CDKAL1: variants seen among roughly 807,000 people sequenced by gnomAD.
The protein encoded by CDKAL1 is CDKAL1 threonylcarbamoyladenosine tRNA methylthiotransferase.
A neutral mutation model predicts 68.2 loss-of-function variants in CDKAL1; 32 were observed. That is an observed-to-expected ratio of 0.47 (90% CI 0.35 to 0.63). The LOEUF (loss-of-function observed/expected upper bound fraction) is 0.63, where lower values mean the gene tolerates loss of function less well. Ranked by LOEUF, CDKAL1 falls within the 30% of genes least tolerant of loss-of-function variation. The probability of loss-of-function intolerance (pLI) is 0.00; values close to 1 mark genes in which losing one functional copy is unlikely to be tolerated. For synonymous variants in CDKAL1, 234 were observed against 244.3 expected (o/e 0.96, Z 0.39); for missense variants, 606 against 696.7 (o/e 0.87, Z 1.47).
At chr6:20,982,060 T>TTTAC (rs1766183265) in intron 10 of CDKAL1, among the ~76,000 whole-genome samples, 1 of 145,474 alleles carries the variant, frequency 6.9e-6, no homozygotes, top group Non-Finnish European at 1.5e-5. Flanking sequence ...TATTTATTTA[T>TTTAC]TTATTTATTT....
At chr6:20,591,072 C>T (rs1308769081) in intron 4 of CDKAL1, among the ~76,000 whole-genome samples, 1 of 152,170 alleles carries the variant, frequency 6.6e-6, no homozygotes, top group African/African-American at 2.4e-5. Context: ...GATGGTATCT[C>T]ATTGTGGTTT....
At chr6:20,720,007 C>G (rs1163211123) in intron 5 of CDKAL1, among the ~76,000 whole-genome samples, 1 of 152,200 alleles carries the variant, frequency 6.6e-6, no homozygotes, top group Non-Finnish European at 1.5e-5. Flanking sequence ...TGTTGAAGAA[C>G]CTGGGCCTTT....
At chr6:20,809,659 T>C (rs6902880) in intron 8 of CDKAL1, among the ~76,000 whole-genome samples, 102,449 of 152,042 alleles carry the variant, frequency 0.67, 35,103 homozygotes, top group African/African-American at 0.78. Flanking sequence ...ATTTGTTCCA[T>C]TGAATTGAAT....
chr6:20,585,057 CTTTT>C (rs11385529), intron 4 of CDKAL1, among the ~76,000 whole-genome samples: 1 of 131,648 alleles, frequency 7.6e-6, no homozygotes, highest in Admixed American at 7.8e-5. Flanking sequence ...AATCTTGTTT[CTTTT>C]TTTTTTTTTT....
chr6:21,146,453 G>T (rs1362972361), intron 13 of CDKAL1, among the ~76,000 whole-genome samples: 1 of 152,102 alleles, frequency 6.6e-6, no homozygotes, highest in African/African-American at 2.4e-5. Context: ...GAATAAAGGT[G>T]GAAAGAGCCA....
intron 7 of CDKAL1, among the ~76,000 whole-genome samples, chr6:20,768,807 G>A (rs1774811354): frequency 6.6e-6 from 1 of 152,078 alleles, no homozygotes; most frequent in Non-Finnish European, 1.5e-5. Flanking sequence ...GATTTGAGGG[G>A]ATTTAATGTA....
intron 9 of CDKAL1, among the ~76,000 whole-genome samples, chr6:20,852,542 T>C (rs562703172): frequency 6.6e-6 from 1 of 152,346 alleles, no homozygotes; most frequent in East Asian, 1.9e-4. Context: ...TAAATAAATG[T>C]AATGTACATA....
chr6:20,600,006 C>T (rs1320608626), intron 4 of CDKAL1, among the ~76,000 whole-genome samples: 1 of 152,128 alleles, frequency 6.6e-6, no homozygotes, highest in Non-Finnish European at 1.5e-5. Flanking sequence ...GGCAGCTGTG[C>T]TGTATCAAAT....
chr6:20,577,775 C>G lies in CDKAL1; in HGVS notation c.286+29070C>G, dbSNP rs113072400. 6.0e-3 allele frequency among the ~76,000 whole-genome samples: 911 copies of G among 152,348 alleles called. 8 individuals carry two copies. The highest frequency in any genetic ancestry group is 0.02 in the African/African-American group (846 of 41,580). On this transcript the variant is annotated intron_variant, in intron 4 of 15. Coordinates refer to ENST00000274695, the MANE Select transcript of CDKAL1 (RefSeq NM_017774.3). ...GTAGAACAGATGCATTTACAAGTCT[C>G]TGCTCACACAGCTGCTGGTCTATTT... is the stretch of plus-strand genomic sequence containing the variant.
chr6:21,230,830 C>G lies in CDKAL1; in HGVS notation c.1549-18C>G, dbSNP rs374455074. ...CTGCATCTAAAAATAATTTTTTCCTCTGTTTCTCTCTTTATAGGACTTCAG... is the reference window on the plus strand; with the variant it reads ...CTGCATCTAAAAATAATTTTTTCCTGTGTTTCTCTCTTTATAGGACTTCAG... On this transcript the variant is annotated intron_variant, in intron 15 of 15. Coordinates refer to ENST00000274695, the MANE Select transcript of CDKAL1 (RefSeq NM_017774.3). 1.2e-4 allele frequency: 192 copies of G among 1,552,938 alleles called. 1 individual carries two copies. In the African/African-American group the frequency reaches 1.9e-3, roughly 15 times the overall value.
intron 11 of CDKAL1, among the ~76,000 whole-genome samples, chr6:21,013,902 A>G (rs1031490264): frequency 6.6e-6 from 1 of 152,216 alleles, no homozygotes; most frequent in African/African-American, 2.4e-5. Context: ...AAAAAAGAAA[A>G]GAAAAGCTTA....
chr6:20,940,474 A>G (rs2150694892), intron 9 of CDKAL1, among the ~76,000 whole-genome samples: 1 of 152,330 alleles, frequency 6.6e-6, no homozygotes, highest in East Asian at 1.9e-4. Flanking sequence ...TAAAAAAGCA[A>G]AAAGATACAG....
intron 5 of CDKAL1, among the ~76,000 whole-genome samples, chr6:20,725,027 T>C (rs2127850731): frequency 6.6e-6 from 1 of 152,320 alleles, no homozygotes; most frequent in South Asian, 2.1e-4. Flanking sequence ...GCAAATTGGA[T>C]GGTGAATTCA....
intron 5 of CDKAL1, among the ~76,000 whole-genome samples, chr6:20,684,595 A>G (rs1005288928): frequency 6.6e-6 from 1 of 152,256 alleles, no homozygotes; most frequent in Admixed American, 6.5e-5. Context: ...AGATTCTGTC[A>G]AACTGTCTTC....
At chr6:20,708,508 A>G (rs1212546562) in intron 5 of CDKAL1, among the ~76,000 whole-genome samples, 1 of 152,132 alleles carries the variant, frequency 6.6e-6, no homozygotes, top group African/African-American at 2.4e-5. Flanking sequence ...TTGGCAAGTC[A>G]CTTGTGGTTT....
intron 8 of CDKAL1, among the ~76,000 whole-genome samples, chr6:20,796,697 C>A (rs952661579): frequency 3.3e-5 from 5 of 152,094 alleles, no homozygotes; most frequent in Non-Finnish European, 5.9e-5. Flanking sequence ...CAAATATGGG[C>A]AGTTGATTTT....
chr6:20,974,977 T>TAAAAA (rs1299159859), intron 10 of CDKAL1, among the ~76,000 whole-genome samples: 1 of 33,240 alleles, frequency 3.0e-5, no homozygotes, highest in African/African-American at 1.3e-4. Context: ...AGACCCTATC[T>TAAAAA]CAAAAAAAAA....
At chr6:20,891,696 G>A (rs370562200) in intron 9 of CDKAL1, among the ~76,000 whole-genome samples, 4 of 151,850 alleles carry the variant, frequency 2.6e-5, no homozygotes, top group Non-Finnish European at 5.9e-5. Flanking sequence ...CACCATGCCC[G>A]GCTAATTTTT....
At chr6:20,763,770 A>G (rs1392852141) in intron 7 of CDKAL1, among the ~76,000 whole-genome samples, 1 of 152,224 alleles carries the variant, frequency 6.6e-6, no homozygotes. Context: ...ATAAAACCAT[A>G]AAAGCTTGTT....
Sources: allele counts gnomAD v4.1 joint callset (sites outside exome capture counted in the v4.1 genomes callset), GRCh38; gene constraint gnomAD v4.1.1; transcripts MANE v1.5; gene names NCBI Gene and HGNC (gene_info 2026-07-23, HGNC 2026-07-21).